Variants in ACAD10 observed in about 807,000 individuals in gnomAD.
ACAD10 encodes ACAD-10.
ACAD10 carries 112 observed loss-of-function variants against 116.8 expected under a neutral mutation model. The observed-to-expected ratio is 0.96, with a 90% CI of 0.82 to 1.12. The LOEUF (loss-of-function observed/expected upper bound fraction) is 1.12, where lower values mean the gene tolerates loss of function less well. Among genes scored for constraint, ACAD10 ranks in the 50% most tolerant of loss-of-function variants. The pLI, the probability that ACAD10 is intolerant of heterozygous loss-of-function variation, is 0.00. For missense variants in ACAD10, 1,259 were observed against 1,350.2 expected, an observed-to-expected ratio of 0.93 and a Z score of 1.06; for synonymous variants, 486 against 510.6, an observed-to-expected ratio of 0.95 and a Z score of 0.65.
intron 2 of ACAD10, among the ~76,000 whole-genome samples, chr12:111,693,486 C>T (rs1332327729): frequency 6.6e-6 from 1 of 152,104 alleles, no homozygotes; most frequent in African/African-American, 2.4e-5. Flanking sequence ...TGTAGTCAGC[C>T]GTGATCATGC....
At chr12:111,726,422 T>C (rs750206991) in intron 8 of ACAD10, among the ~76,000 whole-genome samples, 5 of 152,204 alleles carry the variant, frequency 3.3e-5, no homozygotes, top group African/African-American at 1.2e-4. Context: ...GGGATACTTA[T>C]TGAACCCTTA....
intron 5 of ACAD10, among the ~76,000 whole-genome samples, chr12:111,711,246 G>A (rs1366234175): frequency 6.6e-6 from 1 of 152,110 alleles, no homozygotes; most frequent in East Asian, 1.9e-4. Flanking sequence ...TGTCGCCCAG[G>A]CTGGAGTGCA....
intron 7 of ACAD10, among the ~76,000 whole-genome samples, chr12:111,719,829 G>A (rs1038532294): frequency 5.9e-5 from 9 of 152,070 alleles, no homozygotes; most frequent in Non-Finnish European, 8.8e-5. Flanking sequence ...CCAGGTTCAC[G>A]CCATTCTCCT....
chr12:111,692,134 A>T (rs1235969838), intron 1 of ACAD10, among the ~76,000 whole-genome samples: 1 of 151,778 alleles, frequency 6.6e-6, no homozygotes, highest in Non-Finnish European at 1.5e-5. Context: ...ATGCCCGGCT[A>T]ATTTTGTATT....
At chr12:111,687,864 A>C (rs1707177772) in intron 1 of ACAD10, among the ~76,000 whole-genome samples, 1 of 151,310 alleles carries the variant, frequency 6.6e-6, no homozygotes. Flanking sequence ...TTACCAAACA[A>C]ACCTTTTTTT....
At chr12:111,722,964 G>A (rs1212232655) in intron 8 of ACAD10, among the ~76,000 whole-genome samples, 19 of 151,470 alleles carry the variant, frequency 1.3e-4, no homozygotes, top group Non-Finnish European at 2.2e-4. Flanking sequence ...AGGGGTGGCC[G>A]GGCAGAGGCG....
In ACAD10 at chr12:111,705,906, C is replaced by G; in HGVS notation, c.505C>G (p.Pro169Ala). Residue 169 changes from proline (P) to alanine (A), a missense_variant, in exon 4 of 21, where the codon CCC (proline) becomes GCC (alanine). By Grantham distance (27) the Pro-to-Ala change is conservative. Coordinates refer to ENST00000313698, the MANE Select transcript of ACAD10 (RefSeq NM_025247.6). ...FYLPNQKSFL[P>A]LDRKQFDVIV... ...TCTTCCCAACCAGAAAAGCTTTTTGCCCCTGGACCGGAAACAGTTTGATGT... is the reference window on the plus strand; with the variant it reads ...TCTTCCCAACCAGAAAAGCTTTTTGGCCCTGGACCGGAAACAGTTTGATGT... 6.2e-7 allele frequency: 1 copy of G among 1,614,088 alleles called. No homozygotes were observed. Among genetic ancestry groups the G allele is most frequent in the South Asian group, 1.1e-5 (1 of 91,082 alleles).
intron 8 of ACAD10, among the ~76,000 whole-genome samples, chr12:111,726,325 T>C (rs890142483): frequency 5.9e-5 from 9 of 152,062 alleles, no homozygotes; most frequent in African/African-American, 1.4e-4. Flanking sequence ...ATTAGTGACA[T>C]GTCATTGGGT....
At chr12:111,695,879 T>C (rs940615717) in intron 2 of ACAD10, among the ~76,000 whole-genome samples, 1 of 151,704 alleles carries the variant, frequency 6.6e-6, no homozygotes, top group African/African-American at 2.4e-5. Context: ...CGGGGCATGG[T>C]GATGGGCACC....
intron 2 of ACAD10, among the ~76,000 whole-genome samples, chr12:111,699,980 T>A (rs918482443): frequency 6.6e-6 from 1 of 152,030 alleles, no homozygotes; most frequent in African/African-American, 2.4e-5. Context: ...TCACAACTAT[T>A]CACTTCTACC....
rs148495995 is a variant in ACAD10 at position 111,705,772 on chromosome 12, C to T, written c.371C>T (p.Ser124Phe). The T allele has an allele frequency of 5.6e-6, 9 of 1,613,908 alleles. No individual in the cohort carries two copies. The African/African-American group carries it at 8.0e-5, about 14-fold the overall frequency. ...KTSVPVDSFF[S>F]LLTSERVAKQ... ...TCCGTGCCTGTGGACTCATTTTTCT[C>T]TCTGTTGACCAGTGAGCGAGTGGCA... Residue 124 changes from serine to phenylalanine, a missense_variant, in exon 4 of 21, where the codon TCT (serine) becomes TTT (phenylalanine). By Grantham distance (155) the Ser-to-Phe change is radical. Coordinates refer to ENST00000313698, the MANE Select transcript of ACAD10 (RefSeq NM_025247.6).
intron 3 of ACAD10, 69 bp downstream of exon 3, chr12:111,702,379 G>A: frequency 6.5e-7 from 1 of 1,545,500 alleles, no homozygotes. Flanking sequence ...CAACATTCAT[G>A]TATAAGTTAG....
intron 10 of ACAD10, among the ~76,000 whole-genome samples, chr12:111,733,201 GAT>G (rs1889447705): frequency 6.6e-6 from 1 of 152,142 alleles, no homozygotes; most frequent in Non-Finnish European, 1.5e-5. Flanking sequence ...TGGGCTCAGT[GAT>G]GCTCCCACCT....
At chr12:111,727,598 C>T (rs1034225088) in intron 8 of ACAD10, among the ~76,000 whole-genome samples, 1 of 152,124 alleles carries the variant, frequency 6.6e-6, no homozygotes, top group Non-Finnish European at 1.5e-5. Context: ...AGGTCCTTCT[C>T]TGAGCCTTGC....
At chr12:111,710,189 A>G (rs763670312) in intron 5 of ACAD10, 3 of 403,304 alleles carry the variant, frequency 7.4e-6, no homozygotes, top group Non-Finnish European at 1.5e-5. Context: ...TCCTGGGCTT[A>G]AGTGATCCTC....
At chr12:111,751,033 A>G (rs1358748961) in intron 18 of ACAD10, among the ~76,000 whole-genome samples, 1 of 152,208 alleles carries the variant, frequency 6.6e-6, no homozygotes, top group Non-Finnish European at 1.5e-5. Flanking sequence ...TGGCAGAATA[A>G]TTGGACTGAA....
intron 18 of ACAD10, chr12:111,752,944 G>A (rs949762614): frequency 6.5e-6 from 1 of 153,192 alleles, no homozygotes; most frequent in African/African-American, 2.4e-5. Context: ...AAGAGTTTGA[G>A]ACCAGTCTGG....
chr12:111,746,040 TG>T (rs1302408219), intron 13 of ACAD10, 103 bp from the exon 14 acceptor site: 2 of 1,465,910 alleles, frequency 1.4e-6, no homozygotes, highest in Non-Finnish European at 1.8e-6. Flanking sequence ...CGTGCATGTT[TG>T]GTTGTCTGCC....
chr12:111,712,691 C>T (rs376863710), intron 6 of ACAD10, 34 bp downstream of exon 6: 4 of 1,604,570 alleles, frequency 2.5e-6, no homozygotes, highest in Non-Finnish European at 3.4e-6. Context: ...TGGTAGCTCT[C>T]TCCAAGGCGA....
Sources: gnomAD v4.1 joint callset for allele counts (sites outside exome capture counted in the v4.1 genomes callset) on GRCh38, gnomAD v4.1.1 for gene constraint, MANE v1.5 for transcripts, NCBI Gene and HGNC (gene_info 2026-07-23, HGNC 2026-07-21) for gene names.